Variants in GFOD1 observed in about 807,000 individuals in gnomAD.
GFOD1 encodes glucose-fructose oxidoreductase domain-containing protein 1.
In GFOD1, 9 loss-of-function variants were observed where a neutral mutation model predicts 25.4. The ratio of observed to expected loss-of-function variants is 0.35; its 90% CI spans 0.21 to 0.62. The LOEUF (loss-of-function observed/expected upper bound fraction) is 0.62, where lower values mean the gene tolerates loss of function less well. GFOD1 is among the 20% of genes least tolerant of loss of function. The pLI, the probability that GFOD1 is intolerant of heterozygous loss-of-function variation, is 0.72. For synonymous variants in GFOD1, 253 were observed against 245.6 expected (o/e 1.03, Z -0.28); for missense variants, 403 against 556.9 (o/e 0.72, Z 2.78).
chr6:13,370,316 T>C (rs1785125678), intron 1 of GFOD1, among the ~76,000 whole-genome samples: 1 of 152,236 alleles, frequency 6.6e-6, no homozygotes, highest in African/African-American at 2.4e-5. Flanking sequence ...CACAAAACTC[T>C]GCCACAACCT....
intron 1 of GFOD1, among the ~76,000 whole-genome samples, chr6:13,418,069 A>C (rs1284238733): frequency 6.6e-6 from 1 of 152,226 alleles, no homozygotes; most frequent in East Asian, 1.9e-4. Flanking sequence ...TGCACCTGGA[A>C]AGAATGTGTT....
chr6:13,427,271 C>T (rs879619397), intron 1 of GFOD1, among the ~76,000 whole-genome samples: 11 of 152,134 alleles, frequency 7.2e-5, no homozygotes, highest in Non-Finnish European at 1.3e-4. Flanking sequence ...CAGAAAAATC[C>T]AATAACTGTT....
At position 13,361,652 on chromosome 6, in the gene GFOD1, G is replaced by C. The variant is rs1784948731; in HGVS notation, c.*3091C>G. The C allele has an allele frequency of 6.6e-6, 1 of 152,138 alleles. No individual in the cohort carries two copies. The highest frequency in any genetic ancestry group is 2.1e-4 in the South Asian group (1 of 4,820). The allele number at this position is 152,138 out of a possible 1,614,324, so 9.4% of individuals were successfully genotyped here. A position where few individuals can be genotyped will look rare whatever the true frequency, so the allele number is the denominator to read the frequency against. On this transcript the variant is annotated 3_prime_UTR_variant, in exon 2 of 2. Coordinates refer to ENST00000379287, the MANE Select transcript of GFOD1 (RefSeq NM_018988.4). ...AGTCTTTGCATGTGGTGGGATAAGGGCAAATGGAGCACTAAAGGAGTATCT... is the reference window on the plus strand; with the variant it reads ...AGTCTTTGCATGTGGTGGGATAAGGCCAAATGGAGCACTAAAGGAGTATCT...
At position 13,360,570 on chromosome 6, in the gene GFOD1, C is replaced by G. The variant is rs1163472754; in HGVS notation, c.*4173G>C. The G allele has an allele frequency of 1.0e-5, 4 of 397,530 alleles. No homozygotes were observed. The highest frequency in any genetic ancestry group is 2.1e-5 in the African/African-American group (1 of 48,692). The allele number at this position is 397,530 out of a possible 1,614,324, so 24.6% of individuals were successfully genotyped here. A position where few individuals can be genotyped will look rare whatever the true frequency, so the allele number is the denominator to read the frequency against. ...CCAACAAGATTTTGAAAATCCCCAG[C>G]CCTGAGGCTTGCTGCATCACCTACA... On this transcript the variant is annotated 3_prime_UTR_variant, in exon 2 of 2. Transcript: ENST00000379287.
At chr6:13,484,750 G>C (rs527572615) in intron 1 of GFOD1, among the ~76,000 whole-genome samples, 1 of 152,284 alleles carries the variant, frequency 6.6e-6, no homozygotes, top group Non-Finnish European at 1.5e-5. Flanking sequence ...TGGTCCCAGA[G>C]ACAGCCAGAA....
In GFOD1 at chr6:13,357,971, G is replaced by A. The variant is rs1213404019; in HGVS notation, c.*6772C>T. 1 of 152,308 alleles carries A rather than the reference G, an allele frequency of 6.6e-6. No homozygotes were observed. The highest frequency in any genetic ancestry group is 2.4e-5 in the African/African-American group (1 of 41,480). 9.4% of individuals were successfully genotyped at this position (152,308 alleles called of 1,614,324 possible). A position where few individuals can be genotyped will look rare whatever the true frequency, so the allele number is the denominator to read the frequency against. On this transcript the variant is annotated 3_prime_UTR_variant, in exon 2 of 2. Coordinates refer to ENST00000379287, the MANE Select transcript of GFOD1 (RefSeq NM_018988.4). ...GCTGACCGCTGGCTCCGAGCATCGA[G>A]CATCGCAGAGATCACAACGGGCATC... is the stretch of plus-strand genomic sequence containing the variant.
chr6:13,386,004 A>G (rs1785465530), intron 1 of GFOD1, among the ~76,000 whole-genome samples: 1 of 151,178 alleles, frequency 6.6e-6, no homozygotes, highest in Non-Finnish European at 1.5e-5. Flanking sequence ...ATAAGACTCC[A>G]TGACTCCATT....
At chr6:13,387,466 C>A (rs554430111) in intron 1 of GFOD1, among the ~76,000 whole-genome samples, 2 of 152,158 alleles carry the variant, frequency 1.3e-5, no homozygotes, top group Non-Finnish European at 2.9e-5. Context: ...GTTCAACATA[C>A]GCAAATCAAT....
chr6:13,394,767 GGATTACAGGCA>G (rs1443030698), intron 1 of GFOD1, among the ~76,000 whole-genome samples: 8 of 152,022 alleles, frequency 5.3e-5, no homozygotes, highest in African/African-American at 1.9e-4. Flanking sequence ...CAAGTAGCTG[GGATTACAGGCA>G]CGTGCCACCA....
At chr6:13,385,061 G>C (rs1055035167) in intron 1 of GFOD1, among the ~76,000 whole-genome samples, 1 of 152,168 alleles carries the variant, frequency 6.6e-6, no homozygotes, top group African/African-American at 2.4e-5. Flanking sequence ...GCCCCCTGGG[G>C]TATCTCCCAG....
At chr6:13,419,458 C>A (rs937047046) in intron 1 of GFOD1, among the ~76,000 whole-genome samples, 1 of 152,166 alleles carries the variant, frequency 6.6e-6, no homozygotes, top group Non-Finnish European at 1.5e-5. Flanking sequence ...CTCTCCTGGA[C>A]TGTGGCAGTA....
intron 1 of GFOD1, among the ~76,000 whole-genome samples, chr6:13,484,366 C>A (rs1758819210): frequency 6.6e-6 from 1 of 152,158 alleles, no homozygotes; most frequent in Non-Finnish European, 1.5e-5. Context: ...GCCAGATCAG[C>A]CTGATAACTG....
rs1302178182 is a variant in GFOD1, at chr6:13,358,203, A to G, written c.*6540T>C. The G allele has an allele frequency of 6.6e-6, 1 of 152,230 alleles. No individual in the cohort carries two copies. The highest frequency in any genetic ancestry group is 1.9e-4 in the East Asian group (1 of 5,206). The allele number at this position is 152,230 out of a possible 1,614,324, so 9.4% of individuals were successfully genotyped here. A position where few individuals can be genotyped will look rare whatever the true frequency, so the allele number is the denominator to read the frequency against. Reference sequence around the variant, plus strand: ...AGCTATGTTTGACTATCTACATTATATAGAAAATATAGACTCTGTTTACTT... The same window carrying G: ...AGCTATGTTTGACTATCTACATTATGTAGAAAATATAGACTCTGTTTACTT... On this transcript the variant is annotated 3_prime_UTR_variant, in exon 2 of 2. Coordinates refer to ENST00000379287, the MANE Select transcript of GFOD1 (RefSeq NM_018988.4).
At chr6:13,374,805 C>T (rs1261603006) in intron 1 of GFOD1, among the ~76,000 whole-genome samples, 1 of 134,618 alleles carries the variant, frequency 7.4e-6, no homozygotes, top group Non-Finnish European at 1.5e-5. Flanking sequence ...TGCAACAGTG[C>T]AATCTCAGCT....
chr6:13,458,667 G>C lies in GFOD1; in HGVS notation c.253+27971C>G, dbSNP rs1480568202. On this transcript the variant is annotated intron_variant, in intron 1 of 1. Transcript: ENST00000379287. ...GCATTATAGGGTTGTTGGGACCTTA[G>C]AGGGACAAAAATATGCTGATATGAA... Among the ~76,000 whole-genome samples the C allele has an allele frequency of 2.8e-5, 4 of 144,198 alleles. No homozygotes were observed. The East Asian group carries it at 8.4e-4, about 30-fold the overall frequency. The allele number at this position is 144,198 out of a possible 152,430, so 94.6% of individuals were successfully genotyped here. A position where few individuals can be genotyped will look rare whatever the true frequency, so the allele number is the denominator to read the frequency against.
chr6:13,392,702 G>A (rs1026038066), intron 1 of GFOD1, among the ~76,000 whole-genome samples: 1 of 152,092 alleles, frequency 6.6e-6, no homozygotes, highest in Non-Finnish European at 1.5e-5. Context: ...GAGAGAGGGG[G>A]TAAGCAGATG....
At chr6:13,373,866 C>A (rs1051852379) in intron 1 of GFOD1, among the ~76,000 whole-genome samples, 1 of 151,584 alleles carries the variant, frequency 6.6e-6, no homozygotes, top group African/African-American at 2.4e-5. Context: ...TTCCCTCTGT[C>A]CCTTCCTCCA....
Position 13,474,016 on chromosome 6 carries a change from C to T in GFOD1, c.253+12622G>A, listed in dbSNP as rs573046612. On this transcript the variant is annotated intron_variant, in intron 1 of 1. Transcript: ENST00000379287. ...ATTCACCAGCTCTTAGAGGAAGCCC[C>T]TTCCGGGCCCCTTGTGCTGCAAGTG... 5.8e-4 allele frequency among the ~76,000 whole-genome samples: 88 copies of T among 152,340 alleles called. 1 individual carries two copies. Among genetic ancestry groups the T allele is most frequent in the African/African-American group, 2.0e-3 (83 of 41,568 alleles).
chr6:13,479,978 T>C (rs1471552319), intron 1 of GFOD1, among the ~76,000 whole-genome samples: 2 of 152,210 alleles, frequency 1.3e-5, no homozygotes, highest in Admixed American at 6.5e-5. Context: ...AAGTGCATCA[T>C]GAGCATTATC....
Sources: gnomAD v4.1 joint callset for allele counts (sites outside exome capture counted in the v4.1 genomes callset) on GRCh38, gnomAD v4.1.1 for gene constraint, MANE v1.5 for transcripts, NCBI Gene and HGNC (gene_info 2026-07-23, HGNC 2026-07-21) for gene names.